BPIFB4: variants seen among roughly 807,000 people sequenced by gnomAD.
BPIFB4 encodes BPI fold-containing family B member 4.
Under a neutral mutation model 69.2 loss-of-function variants are expected in BPIFB4, and 62 were observed. The ratio of observed to expected loss-of-function variants is 0.90; its 90% CI spans 0.73 to 1.11. The LOEUF (loss-of-function observed/expected upper bound fraction) is 1.11, where lower values mean the gene tolerates loss of function less well. Ranked by LOEUF, BPIFB4 falls within the 50% of genes least tolerant of loss-of-function variation. The probability of loss-of-function intolerance (pLI) is 0.00; values close to 1 mark genes in which losing one functional copy is unlikely to be tolerated. For synonymous variants in BPIFB4, 330 were observed against 332.7 expected, an observed-to-expected ratio of 0.99 and a Z score of 0.09; for missense variants, 789 against 792.0, an observed-to-expected ratio of 1.00 and a Z score of 0.04.
chr20:33,087,605 T>C (rs1261721947), intron 7 of BPIFB4, among the ~76,000 whole-genome samples: 1 of 152,128 alleles, frequency 6.6e-6, no homozygotes, highest in Non-Finnish European at 1.5e-5. Context: ...ATGAATAACC[T>C]TTTACATATG....
At chr20:33,095,247 G>A in intron 12 of BPIFB4, 94 bp downstream of exon 12, 9 of 1,355,432 alleles carry the variant, frequency 6.6e-6, no homozygotes, top group Non-Finnish European at 7.4e-6. Flanking sequence ...GCGCTGGGGT[G>A]GGGTGCTCTC....
intron 8 of BPIFB4, 119 bp from the exon 9 acceptor site, chr20:33,089,379 G>C: frequency 6.7e-7 from 1 of 1,494,646 alleles, no homozygotes; most frequent in Non-Finnish European, 9.2e-7. Flanking sequence ...GGTGAGGAGA[G>C]TGCCTGGCAC....
chr20:33,086,066 C>T lies in BPIFB4; in HGVS notation c.828C>T (p.Ala276=). 1 of 1,613,226 alleles carries T rather than the reference C, an allele frequency of 6.2e-7. No homozygotes were observed. The highest frequency in any genetic ancestry group is 8.5e-7 in the Non-Finnish European group (1 of 1,179,250). Residue 276 remains alanine, a synonymous_variant, in exon 7 of 18, where the codon GCC becomes GCT. Coordinates refer to ENST00000375483, the MANE Select transcript of BPIFB4 (RefSeq NM_182519.3). Reference sequence around the variant, plus strand: ...TCGCAGTAGAAGTGAACATCACAGCCAAGGTCCGGCTGACCATGGACCGCA... The same window carrying T: ...TCGCAGTAGAAGTGAACATCACAGCTAAGGTCCGGCTGACCATGGACCGCA... The part of the protein sequence containing the change: ...LDIAVEVNIT[A]KVRLTMDRTG...
At chr20:33,109,341 C>G (rs757368611) in intron 17 of BPIFB4, among the ~76,000 whole-genome samples, 1 of 152,188 alleles carries the variant, frequency 6.6e-6, no homozygotes, top group Non-Finnish European at 1.5e-5. Context: ...ATGTTCAGTG[C>G]CCCATACATA....
intron 10 of BPIFB4, 30 bp from the exon 11 acceptor site, chr20:33,092,428 C>T (rs2070327): frequency 0.31 from 485,757 of 1,578,304 alleles, 76,284 homozygotes; most frequent in Middle Eastern, 0.41. Flanking sequence ...TTCTCCCTCC[C>T]TGTGACCCCT....
Position 33,083,135 on chromosome 20 carries a change from T to A in BPIFB4, c.169+135T>A, listed in dbSNP as rs1439968702. On this transcript the variant is annotated intron_variant, in intron 4 of 17. Coordinates refer to ENST00000375483, the MANE Select transcript of BPIFB4 (RefSeq NM_182519.3). Reference sequence around the variant, plus strand: ...GGGTGGAGGGGGTGGCAGTGATCTGTTGGGTGGAGGCTTACTGGGTGGCAG... The same window carrying A: ...GGGTGGAGGGGGTGGCAGTGATCTGATGGGTGGAGGCTTACTGGGTGGCAG... 82 of 906,994 alleles carry A rather than the reference T, an allele frequency of 9.0e-5. 1 individual carries two copies. Among genetic ancestry groups the A allele is most frequent in the Admixed American group, 6.2e-4 (28 of 45,364 alleles). The allele number at this position is 906,994 out of a possible 1,614,324, so 56.2% of individuals were successfully genotyped here. A position where few individuals can be genotyped will look rare whatever the true frequency, so the allele number is the denominator to read the frequency against.
intron 7 of BPIFB4, among the ~76,000 whole-genome samples, chr20:33,087,631 G>A (rs527913171): frequency 6.6e-6 from 1 of 151,782 alleles, no homozygotes; most frequent in Non-Finnish European, 1.5e-5. Context: ...TCACAGGAGG[G>A]TCGATGAACC....
intron 11 of BPIFB4, among the ~76,000 whole-genome samples, chr20:33,093,800 C>G (rs1375428507): frequency 6.6e-6 from 1 of 151,896 alleles, no homozygotes; most frequent in Non-Finnish European, 1.5e-5. Context: ...CCCATCCACC[C>G]ATCTATCCAC....
intron 7 of BPIFB4, among the ~76,000 whole-genome samples, 153 bp from the exon 8 acceptor site, chr20:33,088,813 G>A (rs1981510369): frequency 6.6e-6 from 1 of 152,212 alleles, no homozygotes; most frequent in Admixed American, 6.5e-5. Flanking sequence ...AGTCCAAGGT[G>A]AAGGTACTCT....
At chr20:33,079,767 A>C (rs1177535060) in intron 1 of BPIFB4, 64 bp downstream of exon 1, 1 of 152,238 alleles carries the variant, frequency 6.6e-6, no homozygotes, top group African/African-American at 2.4e-5. Context: ...GGAAGGTAAT[A>C]AGGAGAGAGA....
At chr20:33,085,583 C>T (rs1171584342) in intron 6 of BPIFB4, among the ~76,000 whole-genome samples, 1 of 152,210 alleles carries the variant, frequency 6.6e-6, no homozygotes, top group Non-Finnish European at 1.5e-5. Flanking sequence ...AGTGTCTTCA[C>T]TGGCAATGGG....
rs112485472 is a variant in BPIFB4, at chr20:33,093,834, TCATCCATC to T, written c.1344+1199_1344+1206del. Among the ~76,000 whole-genome samples, 97 of 149,206 alleles carry T rather than the reference TCATCCATC, an allele frequency of 6.5e-4. 1 individual carries two copies. The highest frequency in any genetic ancestry group is 2.3e-3 in the African/African-American group (92 of 40,084). ...ACCCATTTATGCATTCCTTCACAATTCATCCATCCATCCATCCATCCATCCATCCACCA... is the reference window on the plus strand; with the variant it reads ...ACCCATTTATGCATTCCTTCACAATTCATCCATCCATCCATCCATCCACCA... On this transcript the variant is annotated intron_variant, in intron 11 of 17. Transcript: ENST00000375483.
At chr20:33,086,204 G>A (rs956991804) in intron 7 of BPIFB4, 40 bp downstream of exon 7, 2 of 1,588,436 alleles carry the variant, frequency 1.3e-6, no homozygotes, top group African/African-American at 1.3e-5. Flanking sequence ...GGGGGTTGCT[G>A]GAATGGTCTG....
chr20:33,085,233 TC>T (rs373452996), intron 6 of BPIFB4, among the ~76,000 whole-genome samples: 1 of 152,096 alleles, frequency 6.6e-6, no homozygotes, highest in African/African-American at 2.4e-5. Flanking sequence ...GGCAGGCAGA[TC>T]ATCTGAGGTC....
intron 12 of BPIFB4, among the ~76,000 whole-genome samples, chr20:33,096,844 A>G (rs895824277): frequency 1.3e-5 from 2 of 152,182 alleles, no homozygotes; most frequent in Non-Finnish European, 2.9e-5. Flanking sequence ...TTTGAAAGTA[A>G]TATTGTGGTT....
chr20:33,111,432 G>C lies in BPIFB4; in HGVS notation c.1840G>C (p.Ala614Pro). Reference sequence around the variant, plus strand: ...ATCCAAGGACCTTTTGGTGCTGAGCGCATGAGTGACAGAGGCAGAGATGCT... The same window carrying C: ...ATCCAAGGACCTTTTGGTGCTGAGCCCATGAGTGACAGAGGCAGAGATGCT... ...DVLEDLLVLSA is the reference protein window; with the variant it reads ...DVLEDLLVLSP Residue 614 changes from alanine (A) to proline (P), a missense_variant, in exon 18 of 18, where the codon GCA (alanine) becomes CCA (proline). Ala to Pro is a conservative substitution (Grantham distance 27). This residue lies in a region of BPIFB4 where 170 missense variants were observed against 193.6 expected (regional missense o/e 0.88). Transcript: ENST00000375483. 5.0e-6 allele frequency: 8 copies of C among 1,614,002 alleles called. No individual in the cohort carries two copies. The highest frequency in any genetic ancestry group is 6.8e-6 in the Non-Finnish European group (8 of 1,179,918).
Position 33,111,458 on chromosome 20 carries a change from G to T in BPIFB4, c.*21G>T, listed in dbSNP as rs1982236035. The stretch of plus-strand genomic sequence containing the variant: ...CATGAGTGACAGAGGCAGAGATGCT[G>T]CTGCAACTGGAAGAAGCTGGAACCA... On this transcript the variant is annotated 3_prime_UTR_variant, in exon 18 of 18. Coordinates refer to ENST00000375483, the MANE Select transcript of BPIFB4 (RefSeq NM_182519.3). 2 of 1,613,864 alleles carry T rather than the reference G, an allele frequency of 1.2e-6. No individual in the cohort carries two copies. The highest frequency in any genetic ancestry group is 2.7e-5 in the African/African-American group (2 of 74,918).
rs780218690 is a variant in BPIFB4 at position 33,083,545 on chromosome 20, G to A, written c.348G>A (p.Arg116=). 8.7e-6 allele frequency: 14 copies of A among 1,613,940 alleles called. No homozygotes were observed. The South Asian group carries it at 9.9e-5, about 11-fold the overall frequency. Residue 116 remains arginine (R), a synonymous_variant, in exon 5 of 18, where the codon AGG becomes AGA. Transcript: ENST00000375483. ...TCCTTGAGTCCGAGGGAAGCATCAG[G>A]GACCTCCGAAACAGTGGCTATCGCA... ...GEILESEGSI[R]DLRNSGYRSA...
At chr20:33,109,184 A>G in intron 17 of BPIFB4, among the ~76,000 whole-genome samples, 1 of 152,166 alleles carries the variant, frequency 6.6e-6, no homozygotes, top group East Asian at 1.9e-4. Context: ...CACCTCATAC[A>G]GTTTGTGGTG....
Sources: gnomAD v4.1 joint callset for allele counts (sites outside exome capture counted in the v4.1 genomes callset) on GRCh38, gnomAD v4.1.1 for gene constraint, gnomAD v4.1.1 regional missense constraint, MANE v1.5 for transcripts, NCBI Gene and HGNC (gene_info 2026-07-23, HGNC 2026-07-21) for gene names.